Variants in PPM1E observed in about 807,000 individuals in gnomAD.
PPM1E encodes protein phosphatase, Mg2+/Mn2+ dependent 1E, also known as protein phosphatase 1E.
In PPM1E, 20 loss-of-function variants were observed where a neutral mutation model predicts 65.9. That is an observed-to-expected ratio of 0.30 (90% CI 0.21 to 0.44). PPM1E has a LOEUF of 0.44. Among genes scored for constraint, PPM1E ranks in the 20% least tolerant of loss-of-function variants. The probability of loss-of-function intolerance (pLI) is 1.00; values close to 1 mark genes in which losing one functional copy is unlikely to be tolerated. For synonymous variants in PPM1E, 352 were observed against 374.9 expected, an observed-to-expected ratio of 0.94 and a Z score of 0.70; for missense variants, 713 against 953.1, an observed-to-expected ratio of 0.75 and a Z score of 3.32.
At chr17:58,898,145 A>G (rs981613774) in intron 1 of PPM1E, among the ~76,000 whole-genome samples, 1 of 151,758 alleles carries the variant, frequency 6.6e-6, no homozygotes, top group African/African-American at 2.4e-5. Context: ...CCAGCTACTC[A>G]GGAGGCTGAG....
chr17:58,832,109 A>G (rs1000897593), intron 1 of PPM1E, among the ~76,000 whole-genome samples: 5 of 152,186 alleles, frequency 3.3e-5, no homozygotes, highest in Non-Finnish European at 7.3e-5. Flanking sequence ...GTTGTCTTCC[A>G]CTTGGTAACC....
At chr17:58,780,083 A>G (rs1036250302) in intron 1 of PPM1E, among the ~76,000 whole-genome samples, 2 of 152,024 alleles carry the variant, frequency 1.3e-5, no homozygotes, top group Non-Finnish European at 2.9e-5. Flanking sequence ...ACCTGCGTAT[A>G]TTTTAGTAGA....
At chr17:58,871,838 GA>G (rs2051074592) in intron 1 of PPM1E, among the ~76,000 whole-genome samples, 1 of 149,424 alleles carries the variant, frequency 6.7e-6, no homozygotes, top group Admixed American at 6.7e-5. Context: ...AAAAGAAGAA[GA>G]AGAAGAATAT....
chr17:58,932,904 C>G (rs570957093), intron 1 of PPM1E, among the ~76,000 whole-genome samples: 2 of 152,088 alleles, frequency 1.3e-5, no homozygotes, highest in African/African-American at 2.4e-5. Context: ...ATAGAGCTGC[C>G]CTGCTCTATA....
At chr17:58,909,297 A>T (rs892126194) in intron 1 of PPM1E, among the ~76,000 whole-genome samples, 5 of 151,784 alleles carry the variant, frequency 3.3e-5, no homozygotes, top group African/African-American at 1.2e-4. Flanking sequence ...TCACTCCATC[A>T]CTCAGGCTGG....
chr17:58,793,123 C>T (rs1047479136), intron 1 of PPM1E, among the ~76,000 whole-genome samples: 2 of 151,762 alleles, frequency 1.3e-5, no homozygotes, highest in African/African-American at 4.8e-5. Flanking sequence ...TTTTTTATTC[C>T]ATTTGAACTT....
chr17:58,908,482 C>G (rs2051585316), intron 1 of PPM1E, among the ~76,000 whole-genome samples: 1 of 151,416 alleles, frequency 6.6e-6, no homozygotes, highest in African/African-American at 2.4e-5. Context: ...TCTTGTTGCC[C>G]AAGCAGGAGT....
intron 1 of PPM1E, among the ~76,000 whole-genome samples, chr17:58,776,411 T>G (rs1185697202): frequency 6.6e-6 from 1 of 152,212 alleles, no homozygotes; most frequent in Non-Finnish European, 1.5e-5. Flanking sequence ...ACATAATGGA[T>G]TCTTACGACA....
chr17:58,767,602 A>G (rs547534328), intron 1 of PPM1E, among the ~76,000 whole-genome samples: 28 of 152,236 alleles, frequency 1.8e-4, no homozygotes, highest in African/African-American at 6.5e-4. Flanking sequence ...TGGATTTTCC[A>G]GCATTATTGA....
chr17:58,864,601 C>T (rs931565422), intron 1 of PPM1E, among the ~76,000 whole-genome samples: 2 of 151,930 alleles, frequency 1.3e-5, no homozygotes, highest in African/African-American at 4.8e-5. Context: ...GATTGTGCCA[C>T]TGCACTCCAG....
At chr17:58,927,304 AT>A (rs542629506) in intron 1 of PPM1E, among the ~76,000 whole-genome samples, 2 of 149,470 alleles carry the variant, frequency 1.3e-5, no homozygotes, top group South Asian at 2.1e-4. Context: ...TTTTTTTTGT[AT>A]TTTTTTTAGT....
At chr17:58,786,885 G>A (rs1384864494) in intron 1 of PPM1E, among the ~76,000 whole-genome samples, 1 of 151,932 alleles carries the variant, frequency 6.6e-6, no homozygotes, top group Non-Finnish European at 1.5e-5. Flanking sequence ...CATAATCTTT[G>A]TGCATAAGCT....
At chr17:58,832,030 G>A (rs2050611096) in intron 1 of PPM1E, among the ~76,000 whole-genome samples, 1 of 152,070 alleles carries the variant, frequency 6.6e-6, no homozygotes, top group Admixed American at 6.6e-5. Context: ...GCTTATCTTG[G>A]GTGAAAGTCT....
intron 1 of PPM1E, among the ~76,000 whole-genome samples, chr17:58,903,532 A>G (rs1443459641): frequency 6.6e-6 from 1 of 152,146 alleles, no homozygotes; most frequent in Non-Finnish European, 1.5e-5. Flanking sequence ...AAATAATGGA[A>G]CCTGAAGACC....
chr17:58,955,536 G>T (rs2029869679), intron 1 of PPM1E, 113 bp from the exon 2 acceptor site: 2 of 1,141,564 alleles, frequency 1.8e-6, no homozygotes, highest in South Asian at 1.3e-5. Flanking sequence ...ATTGTTTAAA[G>T]GTATAATTTT....
chr17:58,762,074 T>G (rs2049826926), intron 1 of PPM1E, among the ~76,000 whole-genome samples: 1 of 152,224 alleles, frequency 6.6e-6, no homozygotes. Flanking sequence ...GACCGTGGCA[T>G]CCTTTCTCCA....
At chr17:58,849,263 C>G (rs943477953) in intron 1 of PPM1E, among the ~76,000 whole-genome samples, 9 of 152,068 alleles carry the variant, frequency 5.9e-5, no homozygotes, top group African/African-American at 2.2e-4. Context: ...TTTTGTGTCT[C>G]TATCTCCTTC....
At chr17:58,852,834 C>A (rs948498896) in intron 1 of PPM1E, among the ~76,000 whole-genome samples, 2 of 152,070 alleles carry the variant, frequency 1.3e-5, no homozygotes, top group Non-Finnish European at 2.9e-5. Context: ...GATCTCTTGA[C>A]CTCGTGATTC....
At chr17:58,783,681 C>T (rs990207731) in intron 1 of PPM1E, among the ~76,000 whole-genome samples, 10 of 152,150 alleles carry the variant, frequency 6.6e-5, no homozygotes, top group Middle Eastern at 3.4e-3. Context: ...CAGGATGCTT[C>T]GAGAGGCAGT....
Sources: gnomAD v4.1 joint callset for allele counts (sites outside exome capture counted in the v4.1 genomes callset) on GRCh38, gnomAD v4.1.1 for gene constraint, MANE v1.5 for transcripts, NCBI Gene and HGNC (gene_info 2026-07-23, HGNC 2026-07-21) for gene names.